PTCHD1: variants seen among roughly 807,000 people sequenced by gnomAD.
PTCHD1 encodes patched domain containing 1.
In PTCHD1, 3 loss-of-function variants were observed where a neutral mutation model predicts 34.6. That is an observed-to-expected ratio of 0.09 (90% CI 0.04 to 0.22). The LOEUF is 0.22. PTCHD1 is among the 10% of genes least tolerant of loss of function. The pLI is 1.00. For missense variants in PTCHD1, 504 were observed against 685.5 expected (o/e 0.74, Z 2.96); for synonymous variants, 305 against 283.1 (o/e 1.08, Z -0.77).
chrX:23,374,292 A>AAC (rs1922349146), intron 1 of PTCHD1, among the ~76,000 whole-genome samples: 1 of 80,158 alleles, frequency 1.2e-5, no homozygotes, highest in East Asian at 3.3e-4. Flanking sequence ...AAAAAAAAAA[A>AAC]AAAAAAAAAA....
intron 1 of PTCHD1, among the ~76,000 whole-genome samples, chrX:23,354,117 G>T (rs1921729511): frequency 9.0e-6 from 1 of 111,182 alleles, no homozygotes; most frequent in African/African-American, 3.3e-5. Context: ...GGCTTACAGG[G>T]GCTAGATCAG....
chrX:23,383,878 T>C (rs1480509752), intron 2 of PTCHD1, among the ~76,000 whole-genome samples: 1 of 112,622 alleles, frequency 8.9e-6, no homozygotes, highest in Non-Finnish European at 1.9e-5. Context: ...AGTAGTGAGT[T>C]ACTTGAATTG....
intron 2 of PTCHD1, among the ~76,000 whole-genome samples, chrX:23,384,928 A>G (rs914681672): frequency 8.9e-6 from 1 of 112,040 alleles, no homozygotes; most frequent in Non-Finnish European, 1.9e-5. Flanking sequence ...CATTATTTGC[A>G]ACAATATGAC....
chrX:23,352,900 G>C (rs1921680637), intron 1 of PTCHD1, among the ~76,000 whole-genome samples: 1 of 111,757 alleles, frequency 8.9e-6, no homozygotes, highest in East Asian at 2.8e-4. Context: ...AAGATCCTTA[G>C]CTGATTTCTA....
At position 23,397,728 on chromosome X, in the gene PTCHD1, T is replaced by C. The variant is rs1293061224; in HGVS notation, c.*3543T>C. 9.0e-6 allele frequency: 1 copy of C among 111,058 alleles called. No homozygotes were observed. Among genetic ancestry groups the C allele is most frequent in the African/African-American group, 3.3e-5 (1 of 30,448 alleles). 9.2% of individuals were successfully genotyped at this position (111,058 alleles called of 1,213,427 possible). A position where few individuals can be genotyped will look rare whatever the true frequency, so the allele number is the denominator to read the frequency against. ...ATTCTAACTAACCATCACCCAATCG[T>C]AAGTGGCATTATGGGACCATGATAC... is the stretch of plus-strand genomic sequence containing the variant. On this transcript the variant is annotated 3_prime_UTR_variant, in exon 3 of 3. Transcript: ENST00000379361.
intron 1 of PTCHD1, among the ~76,000 whole-genome samples, chrX:23,349,846 C>T (rs780078517): frequency 2.7e-5 from 3 of 109,348 alleles, no homozygotes; most frequent in Admixed American, 9.8e-5. Flanking sequence ...ATACATAATC[C>T]GACTCTAATA....
In PTCHD1 at chrX:23,404,244, T is replaced by C. The variant is rs1923186122; in HGVS notation, c.*10059T>C. On this transcript the variant is annotated 3_prime_UTR_variant, in exon 3 of 3. Coordinates refer to ENST00000379361, the MANE Select transcript of PTCHD1 (RefSeq NM_173495.3). Reference sequence around the variant, plus strand: ...GAATGTAAAGGAGATTTCAAATGTATTGCTTTCACCTTTTCTTTTTTATTC... The same window carrying C: ...GAATGTAAAGGAGATTTCAAATGTACTGCTTTCACCTTTTCTTTTTTATTC... The C allele has an allele frequency of 8.9e-6, 1 of 112,550 alleles. No individual in the cohort carries two copies. The highest frequency in any genetic ancestry group is 3.7e-4 in the South Asian group (1 of 2,726). The allele number at this position is 112,550 out of a possible 1,213,427, so 9.3% of individuals were successfully genotyped here.
intron 1 of PTCHD1, among the ~76,000 whole-genome samples, chrX:23,355,768 G>C (rs1032612507): frequency 6.7e-4 from 75 of 112,331 alleles, no homozygotes; most frequent in African/African-American, 2.3e-3. Flanking sequence ...GCCTGGAAAA[G>C]GAGAGAAGAA....
At chrX:23,356,356 A>G (rs1375635385) in intron 1 of PTCHD1, among the ~76,000 whole-genome samples, 1 of 112,198 alleles carries the variant, frequency 8.9e-6, no homozygotes, top group Non-Finnish European at 1.9e-5. Context: ...CACCCTGGGG[A>G]CCAGGGAGGA....
At chrX:23,336,051 G>T (rs1372852888) in intron 1 of PTCHD1, among the ~76,000 whole-genome samples, 1 of 111,074 alleles carries the variant, frequency 9.0e-6, no homozygotes, top group Non-Finnish European at 1.9e-5. Flanking sequence ...GTGTGACCCC[G>T]AGAAGAGCAC....
intron 2 of PTCHD1, among the ~76,000 whole-genome samples, chrX:23,388,349 G>A (rs1450086352): frequency 1.8e-5 from 2 of 112,380 alleles, no homozygotes; most frequent in Non-Finnish European, 3.8e-5. Context: ...CTACTTTGTA[G>A]AGAAGTTTTT....
intron 1 of PTCHD1, among the ~76,000 whole-genome samples, chrX:23,341,505 G>A (rs1031841061): frequency 3.6e-5 from 4 of 112,037 alleles, no homozygotes; most frequent in African/African-American, 1.3e-4. Context: ...CTCAGTGTGA[G>A]CCCCAAGTGA....
At chrX:23,389,520 T>C (rs1267874070) in intron 2 of PTCHD1, among the ~76,000 whole-genome samples, 1 of 111,891 alleles carries the variant, frequency 8.9e-6, no homozygotes, top group African/African-American at 3.3e-5. Flanking sequence ...AGAACTCCAG[T>C]TTGGGGATTC....
chrX:23,380,256 T>G lies in PTCHD1; in HGVS notation c.1012+5T>G. ...GAGTCCCTTTCGTCATGCTAGGTAA[T>G]TACTACTCTTCTTTCTTCTGTTTCC... On this transcript the variant is annotated splice_donor_5th_base_variant and intron_variant, in intron 2 of 2. Transcript: ENST00000379361. 8.3e-7 allele frequency: 1 copy of G among 1,202,698 alleles called. No homozygotes were observed. Among genetic ancestry groups the G allele is most frequent in the Admixed American group, 2.2e-5 (1 of 46,072 alleles).
chrX:23,357,850 C>T (rs1921850602), intron 1 of PTCHD1, among the ~76,000 whole-genome samples: 1 of 111,131 alleles, frequency 9.0e-6, no homozygotes, highest in South Asian at 3.9e-4. Context: ...GTGATGTTCC[C>T]ACCCTGTGTC....
At position 23,394,407 on chromosome X, in the gene PTCHD1, T is replaced by TAC. The variant is rs1195382947; in HGVS notation, c.*223_*224insCA. ...GTTGTTATGAGAATTCACACACACA[T>TAC]AGACACACACACACACACACACACA... On this transcript the variant is annotated 3_prime_UTR_variant, in exon 3 of 3. Coordinates refer to ENST00000379361, the MANE Select transcript of PTCHD1 (RefSeq NM_173495.3). The TAC allele has an allele frequency of 2.1e-5, 4 of 190,526 alleles. No individual in the cohort carries two copies. The highest frequency in any genetic ancestry group is 2.7e-5 in the Non-Finnish European group (3 of 112,268). The allele number at this position is 190,526 out of a possible 1,213,427, so 15.7% of individuals were successfully genotyped here. A position where few individuals can be genotyped will look rare whatever the true frequency, so the allele number is the denominator to read the frequency against.
Position 23,375,485 on chromosome X carries a change from G to A in PTCHD1, c.352-4106G>A, listed in dbSNP as rs1437168819. On this transcript the variant is annotated intron_variant, in intron 1 of 2. Coordinates refer to ENST00000379361, the MANE Select transcript of PTCHD1 (RefSeq NM_173495.3). ...TTTTTGTATTTTTAGTAGAGACGGG[G>A]TTTCACCGTGGTCTCGATCTCCTGA... Among the ~76,000 whole-genome samples the A allele has an allele frequency of 2.7e-5, 3 of 110,529 alleles. No homozygotes were observed. In the East Asian group the frequency reaches 8.6e-4, roughly 32 times the overall value.
upstream of PTCHD1, chrX:23,334,780 G>GCGCCGCCGCCGC (rs1555909518): frequency 7.5e-6 from 2 of 266,350 alleles, no homozygotes; most frequent in South Asian, 4.0e-4. Flanking sequence ...GCCGCCGCGG[G>GCGCCGCCGCCGC]CGCCGCTGCC....
intron 1 of PTCHD1, among the ~76,000 whole-genome samples, chrX:23,357,859 T>C (rs1050470067): frequency 5.4e-5 from 6 of 111,021 alleles, no homozygotes; most frequent in African/African-American, 2.0e-4. Flanking sequence ...CCACCCTGTG[T>C]CCAAGTGTTC....
Sources: gnomAD v4.1 joint callset for allele counts (sites outside exome capture counted in the v4.1 genomes callset) on GRCh38, gnomAD v4.1.1 for gene constraint, MANE v1.5 for transcripts, NCBI Gene and HGNC (gene_info 2026-07-23, HGNC 2026-07-21) for gene names.